ASIC2: variants seen among roughly 807,000 people sequenced by gnomAD.
The protein encoded by ASIC2 is acid-sensing ion channel 2.
Under a neutral mutation model 57.3 loss-of-function variants are expected in ASIC2, and 25 were observed. That is an observed-to-expected ratio of 0.44 (90% CI 0.32 to 0.61). The LOEUF is 0.61. ASIC2 is among the 20% of genes least tolerant of loss of function. The probability of loss-of-function intolerance (pLI) is 0.06; values close to 1 mark genes in which losing one functional copy is unlikely to be tolerated. For synonymous variants in ASIC2, 319 were observed against 307.5 expected, an observed-to-expected ratio of 1.04 and a Z score of -0.39; for missense variants, 641 against 738.1, an observed-to-expected ratio of 0.87 and a Z score of 1.52.
intron 1 of ASIC2, chr17:33,530,241 C>T (rs377327938): frequency 1.3e-5 from 2 of 152,162 alleles, no homozygotes; most frequent in Non-Finnish European, 2.9e-5. Flanking sequence ...ATGGAATATT[C>T]TGTGTGTTGG....
intron 1 of ASIC2, among the ~76,000 whole-genome samples, chr17:33,747,190 C>T (rs886440631): frequency 2.0e-5 from 3 of 149,978 alleles, no homozygotes; most frequent in East Asian, 2.0e-4. Context: ...CTGCAGGGCA[C>T]GTGACACAAA....
intron 1 of ASIC2, among the ~76,000 whole-genome samples, chr17:33,229,458 G>A (rs1908008812): frequency 6.6e-6 from 1 of 152,212 alleles, no homozygotes. Context: ...CTACACGCAG[G>A]GCAGAGAGGA....
chr17:33,392,731 A>C (rs1486601833), intron 1 of ASIC2, among the ~76,000 whole-genome samples: 1 of 152,138 alleles, frequency 6.6e-6, no homozygotes, highest in Non-Finnish European at 1.5e-5. Flanking sequence ...AAGGCATCCT[A>C]ATGTTGAAAT....
chr17:33,573,077 C>G (rs758925657), intron 1 of ASIC2, among the ~76,000 whole-genome samples: 11 of 152,148 alleles, frequency 7.2e-5, no homozygotes, highest in Non-Finnish European at 1.5e-4. Flanking sequence ...CGCACAGGTG[C>G]CAATCTTCAG....
At chr17:33,240,791 A>G (rs1908472491) in intron 1 of ASIC2, among the ~76,000 whole-genome samples, 1 of 152,154 alleles carries the variant, frequency 6.6e-6, no homozygotes, top group Non-Finnish European at 1.5e-5. Context: ...GTCTTCCTCC[A>G]TAAATCAAGA....
chr17:33,354,044 G>A (rs1177728786), intron 1 of ASIC2, among the ~76,000 whole-genome samples: 2 of 152,092 alleles, frequency 1.3e-5, no homozygotes, highest in African/African-American at 2.4e-5. Flanking sequence ...TACATGGTGC[G>A]GGCAAGAGGG....
chr17:33,261,312 C>T (rs1005974985), intron 1 of ASIC2, among the ~76,000 whole-genome samples: 1 of 152,204 alleles, frequency 6.6e-6, no homozygotes, highest in Non-Finnish European at 1.5e-5. Context: ...CTCACAACAT[C>T]ATTAATTCTA....
intron 1 of ASIC2, among the ~76,000 whole-genome samples, chr17:33,641,764 G>A (rs948943831): frequency 3.3e-5 from 5 of 152,158 alleles, no homozygotes; most frequent in African/African-American, 1.2e-4. Flanking sequence ...GTTCTCTGTG[G>A]CAGGACAGTT....
chr17:33,173,382 G>A, intron 1 of ASIC2, among the ~76,000 whole-genome samples: 1 of 152,242 alleles, frequency 6.6e-6, no homozygotes, highest in Middle Eastern at 3.4e-3. Context: ...CAGGTACCTC[G>A]GTACCAAGCT....
intron 1 of ASIC2, among the ~76,000 whole-genome samples, chr17:33,114,214 A>T (rs1162273073): frequency 6.6e-6 from 1 of 152,232 alleles, no homozygotes; most frequent in Non-Finnish European, 1.5e-5. Flanking sequence ...ATTAATGCAA[A>T]GTCCAAAGCA....
intron 1 of ASIC2, among the ~76,000 whole-genome samples, chr17:33,470,576 G>T (rs1273767402): frequency 6.6e-6 from 1 of 152,180 alleles, no homozygotes; most frequent in Non-Finnish European, 1.5e-5. Context: ...TCCTTCTCAG[G>T]TGATGCTGAT....
chr17:33,179,171 C>T (rs1905879322), intron 1 of ASIC2, among the ~76,000 whole-genome samples: 1 of 152,072 alleles, frequency 6.6e-6, no homozygotes, highest in African/African-American at 2.4e-5. Context: ...ACTATGTAGC[C>T]CACCTGGAAG....
chr17:33,719,691 G>A (rs1314777996), intron 1 of ASIC2, among the ~76,000 whole-genome samples: 1 of 152,202 alleles, frequency 6.6e-6, no homozygotes, highest in African/African-American at 2.4e-5. Flanking sequence ...GCTGCAATAA[G>A]GCACTGAGTC....
At chr17:33,849,725 C>T (rs1394524159) in intron 1 of ASIC2, among the ~76,000 whole-genome samples, 1 of 152,144 alleles carries the variant, frequency 6.6e-6, no homozygotes, top group Non-Finnish European at 1.5e-5. Context: ...GGGAATAGCA[C>T]TGTCAAAGCC....
chr17:33,340,163 G>A (rs1202644230), intron 1 of ASIC2, among the ~76,000 whole-genome samples: 1 of 152,174 alleles, frequency 6.6e-6, no homozygotes, highest in Non-Finnish European at 1.5e-5. Context: ...GAAAGAAACA[G>A]GTCACCTTTG....
intron 1 of ASIC2, among the ~76,000 whole-genome samples, chr17:34,148,011 C>G (rs1475156225): frequency 6.6e-6 from 1 of 152,124 alleles, no homozygotes; most frequent in African/African-American, 2.4e-5. Context: ...TTCACTTTAC[C>G]AAAATTTTGT....
At chr17:33,888,073 T>C (rs1380880437) in intron 1 of ASIC2, among the ~76,000 whole-genome samples, 1 of 152,152 alleles carries the variant, frequency 6.6e-6, no homozygotes, top group Non-Finnish European at 1.5e-5. Flanking sequence ...CCACATTAAA[T>C]GCATTTTTTA....
At chr17:34,108,265 A>G (rs1286015998) in intron 1 of ASIC2, among the ~76,000 whole-genome samples, 1 of 152,152 alleles carries the variant, frequency 6.6e-6, no homozygotes, top group African/African-American at 2.4e-5. Flanking sequence ...TATTGCCACA[A>G]TAAATATCCT....
chr17:33,163,029 T>C (rs1905206056), intron 1 of ASIC2, among the ~76,000 whole-genome samples: 1 of 152,178 alleles, frequency 6.6e-6, no homozygotes, highest in Non-Finnish European at 1.5e-5. Context: ...GCTAAGCTTT[T>C]GGGACAAAGA....
Sources: allele counts gnomAD v4.1 joint callset (sites outside exome capture counted in the v4.1 genomes callset), GRCh38; gene constraint gnomAD v4.1.1; transcripts MANE v1.5; gene names NCBI Gene and HGNC (gene_info 2026-07-23, HGNC 2026-07-21).